ACBD6: variants seen among roughly 807,000 people sequenced by gnomAD.
The protein encoded by ACBD6 is acyl-CoA-binding domain-containing protein 6.
A neutral mutation model predicts 37.2 loss-of-function variants in ACBD6; 28 were observed. That is an observed-to-expected ratio of 0.75 (90% CI 0.56 to 1.03). ACBD6 has a LOEUF of 1.03. Ranked by LOEUF, ACBD6 falls within the 50% of genes least tolerant of loss-of-function variation. ACBD6 has a pLI of 0.00. For synonymous variants in ACBD6, 113 were observed against 126.8 expected (o/e 0.89, Z 0.73); for missense variants, 340 against 337.4 (o/e 1.01, Z -0.06).
intron 3 of ACBD6, among the ~76,000 whole-genome samples, chr1:180,485,769 T>C (rs975119392): frequency 1.3e-5 from 2 of 152,096 alleles, no homozygotes; most frequent in Non-Finnish European, 2.9e-5. Context: ...TGCCAAGAAG[T>C]AAGAAAATGC....
intron 6 of ACBD6, among the ~76,000 whole-genome samples, chr1:180,368,004 A>G (rs558014443): frequency 6.6e-6 from 1 of 152,172 alleles, no homozygotes; most frequent in East Asian, 1.9e-4. Flanking sequence ...TTACACTCCC[A>G]CCAACAGTGA....
chr1:180,378,647 C>T (rs750956058), intron 6 of ACBD6, among the ~76,000 whole-genome samples: 2 of 152,106 alleles, frequency 1.3e-5, no homozygotes, highest in South Asian at 2.1e-4. Context: ...GGATTCAAGA[C>T]AGAAAGCAGG....
chr1:180,431,308 C>T (rs1479109822), intron 3 of ACBD6, among the ~76,000 whole-genome samples: 1 of 152,042 alleles, frequency 6.6e-6, no homozygotes, highest in Non-Finnish European at 1.5e-5. Context: ...GGAGATGAAT[C>T]AAGTCAGTTA....
intron 3 of ACBD6, among the ~76,000 whole-genome samples, chr1:180,436,533 T>C (rs1160861332): frequency 6.6e-6 from 1 of 152,196 alleles, no homozygotes; most frequent in African/African-American, 2.4e-5. Context: ...CCTTCTTGCG[T>C]TGTGTTTTTT....
intron 6 of ACBD6, among the ~76,000 whole-genome samples, chr1:180,346,924 G>GTC: frequency 6.6e-6 from 1 of 152,104 alleles, no homozygotes; most frequent in Non-Finnish European, 1.5e-5. Context: ...GCTGAGGTGG[G>GTC]AGGATTGCTT....
chr1:180,349,987 G>A (rs1652344427), intron 6 of ACBD6, among the ~76,000 whole-genome samples: 1 of 147,410 alleles, frequency 6.8e-6, no homozygotes, highest in Non-Finnish European at 1.5e-5. Context: ...CACAATAATA[G>A]TACAACTAAA....
At chr1:180,369,328 T>C (rs1368486831) in intron 6 of ACBD6, among the ~76,000 whole-genome samples, 2 of 152,260 alleles carry the variant, frequency 1.3e-5, no homozygotes, top group Non-Finnish European at 2.9e-5. Flanking sequence ...CCTTCAGGCC[T>C]AGGGGCACAT....
chr1:180,349,244 AT>A (rs1652306979), intron 6 of ACBD6, among the ~76,000 whole-genome samples: 1 of 145,078 alleles, frequency 6.9e-6, no homozygotes, highest in African/African-American at 2.6e-5. Flanking sequence ...ATAATAAAAA[AT>A]ATAAATAAAA....
chr1:180,358,832 T>C (rs1370466966), intron 6 of ACBD6, among the ~76,000 whole-genome samples: 3 of 152,220 alleles, frequency 2.0e-5, no homozygotes, highest in Admixed American at 6.5e-5. Flanking sequence ...TCAGACCAGC[T>C]GTCGGATATC....
At chr1:180,423,239 T>A (rs1047916928) in intron 4 of ACBD6, among the ~76,000 whole-genome samples, 9 of 152,236 alleles carry the variant, frequency 5.9e-5, no homozygotes, top group Non-Finnish European at 1.2e-4. Flanking sequence ...CTGAAAAACA[T>A]CAACGTATAA....
intron 5 of ACBD6, among the ~76,000 whole-genome samples, chr1:180,398,772 T>C (rs1654359773): frequency 1.3e-5 from 2 of 152,208 alleles, no homozygotes; most frequent in African/African-American, 4.8e-5. Context: ...GAGTGATGCA[T>C]GGCTTACTAC....
At chr1:180,386,613 T>C (rs933559381) in intron 6 of ACBD6, among the ~76,000 whole-genome samples, 1 of 152,176 alleles carries the variant, frequency 6.6e-6, no homozygotes, top group Non-Finnish European at 1.5e-5. Flanking sequence ...GTTAATTTCT[T>C]TTCCATCTAC....
At chr1:180,281,638 C>T (rs880911) in intron 8 of ACBD6, among the ~76,000 whole-genome samples, 28,012 of 152,084 alleles carry the variant, frequency 0.18, 4,274 homozygotes, top group African/African-American at 0.4. Context: ...CTTCATAAAG[C>T]CCCTTTGCCT....
At chr1:180,483,755 GGCT>G (rs1651150789) in intron 3 of ACBD6, among the ~76,000 whole-genome samples, 1 of 151,880 alleles carries the variant, frequency 6.6e-6, no homozygotes, top group African/African-American at 2.4e-5. Context: ...GTCATTAATG[GGCT>G]GCTTTTTTGT....
intron 6 of ACBD6, among the ~76,000 whole-genome samples, chr1:180,343,560 T>A (rs981653742): frequency 6.6e-5 from 10 of 152,210 alleles, no homozygotes; most frequent in African/African-American, 2.4e-4. Context: ...CTCCTCTTTA[T>A]AAGTTTAAGC....
At chr1:180,460,201 C>T (rs1280487914) in intron 3 of ACBD6, among the ~76,000 whole-genome samples, 2 of 150,914 alleles carry the variant, frequency 1.3e-5, no homozygotes, top group Non-Finnish European at 3.0e-5. Flanking sequence ...TTCCTCTTCA[C>T]TGGGTGGGAC....
chr1:180,457,648 C>G (rs1031678909), intron 3 of ACBD6, among the ~76,000 whole-genome samples: 10 of 152,046 alleles, frequency 6.6e-5, no homozygotes, highest in African/African-American at 2.2e-4. Context: ...TAACATGAAT[C>G]AGAATGAGTG....
intron 6 of ACBD6, among the ~76,000 whole-genome samples, chr1:180,321,333 A>G (rs1465237467): frequency 4.6e-5 from 7 of 152,116 alleles, no homozygotes; most frequent in African/African-American, 1.7e-4. Context: ...GAAGAATGTC[A>G]TTGGTATTTT....
At chr1:180,271,564 G>A (rs1307142983) in exon 14 of ACBD6, 2 of 1,613,354 alleles carry the variant, frequency 1.2e-6, no homozygotes, top group Non-Finnish European at 1.7e-6. Flanking sequence ...GTGCCCTCCG[G>A]GGATCCCAGG....
Sources: allele counts gnomAD v4.1 joint callset (sites outside exome capture counted in the v4.1 genomes callset), GRCh38; gene constraint gnomAD v4.1.1; transcripts MANE v1.5; gene names NCBI Gene and HGNC (gene_info 2026-07-23, HGNC 2026-07-21).